Variants in ZNF532 observed in about 807,000 individuals in gnomAD.
The protein encoded by ZNF532 is zinc finger protein 532.
A neutral mutation model predicts 89.3 loss-of-function variants in ZNF532; 22 were observed. That is an observed-to-expected ratio of 0.25 (90% CI 0.18 to 0.35). The LOEUF (loss-of-function observed/expected upper bound fraction) is 0.35. ZNF532 is among the 10% of genes least tolerant of loss of function. The pLI is 1.00. For synonymous variants in ZNF532, 606 were observed against 649.6 expected, an observed-to-expected ratio of 0.93 and a Z score of 1.02; for missense variants, 1,132 against 1,643.4, an observed-to-expected ratio of 0.69 and a Z score of 5.38.
chr18:58,904,366 T>A lies in ZNF532; in HGVS notation c.-17-13905T>A, dbSNP rs199740493. On this transcript the variant is annotated intron_variant, in intron 2 of 9. Coordinates refer to ENST00000591808, the MANE Select transcript of ZNF532 (RefSeq NM_001375912.1). The stretch of plus-strand genomic sequence containing the variant: ...GACCTTGTCTCAAAAAAAAAAAAAA[T>A]AATGTATATGGTTAAGATGGTAAAT... Among the ~76,000 whole-genome samples, 156 of 127,954 alleles carry A rather than the reference T, an allele frequency of 1.2e-3. No homozygotes were observed. In the East Asian group the frequency reaches 0.033, roughly 27 times the overall value. The allele number at this position is 127,954 out of a possible 152,430, so 83.9% of individuals were successfully genotyped here.
At chr18:58,983,623 C>T (rs6567042) in intron 9 of ZNF532, among the ~76,000 whole-genome samples, 106,044 of 151,922 alleles carry the variant, frequency 0.7, 37,986 homozygotes, top group East Asian at 0.98. Flanking sequence ...TCCCATGGCC[C>T]TCATCCCACC....
intron 5 of ZNF532, 139 bp downstream of exon 5, chr18:58,939,760 TACAGC>T: frequency 1.4e-6 from 1 of 725,020 alleles, no homozygotes; most frequent in Non-Finnish European, 2.2e-6. Context: ...CTTTATGAAA[TACAGC>T]TCATAGCTCA....
intron 2 of ZNF532, among the ~76,000 whole-genome samples, chr18:58,879,162 C>T (rs1243568590): frequency 1.3e-5 from 2 of 151,962 alleles, no homozygotes; most frequent in African/African-American, 4.8e-5. Flanking sequence ...GCGGGGCCTG[C>T]TACAGTAGGA....
intron 2 of ZNF532, among the ~76,000 whole-genome samples, chr18:58,865,815 G>T (rs1568193813): frequency 6.6e-6 from 1 of 152,230 alleles, no homozygotes; most frequent in Non-Finnish European, 1.5e-5. Context: ...GGAGAGTCAG[G>T]CCTGGAAGGA....
chr18:58,892,982 C>CTTTTTTT (rs58108717), intron 2 of ZNF532, among the ~76,000 whole-genome samples: 2 of 135,292 alleles, frequency 1.5e-5, no homozygotes, highest in African/African-American at 5.6e-5. Context: ...TTTGTACTTT[C>CTTTTTTT]TTTTTTTTTT....
At chr18:58,929,267 A>G (rs1288967569) in intron 3 of ZNF532, among the ~76,000 whole-genome samples, 1 of 152,070 alleles carries the variant, frequency 6.6e-6, no homozygotes, top group Non-Finnish European at 1.5e-5. Flanking sequence ...GAGTGTGGAT[A>G]AAGGTGACAT....
chr18:58,921,751 A>G (rs1294010381), intron 3 of ZNF532, among the ~76,000 whole-genome samples: 2 of 152,270 alleles, frequency 1.3e-5, no homozygotes, highest in African/African-American at 4.8e-5. Context: ...GGAAGTAATT[A>G]GACATGTTGA....
rs186891859 is a variant in ZNF532 at position 58,875,050 on chromosome 18, A to G, written c.-18+9471A>G. Among the ~76,000 whole-genome samples the G allele has an allele frequency of 5.9e-5, 9 of 152,304 alleles. No homozygotes were observed. The East Asian group carries it at 1.3e-3, about 23-fold the overall frequency. ...AATAAGCTGTAAGTATAAGATACAT[A>G]TCAGGTTTTGAAGATGTAATGAAAA... On this transcript the variant is annotated intron_variant, in intron 2 of 9. Transcript: ENST00000591808.
At chr18:58,899,660 G>C (rs1393452543) in intron 2 of ZNF532, among the ~76,000 whole-genome samples, 2 of 152,030 alleles carry the variant, frequency 1.3e-5, no homozygotes, top group Non-Finnish European at 2.9e-5. Flanking sequence ...GTAGAGACAG[G>C]GTTCCACCAT....
At chr18:58,878,014 G>T (rs1240700328) in intron 2 of ZNF532, among the ~76,000 whole-genome samples, 1 of 152,118 alleles carries the variant, frequency 6.6e-6, no homozygotes, top group Non-Finnish European at 1.5e-5. Flanking sequence ...CAGCACTTTG[G>T]GAGGCTGAGG....
chr18:58,981,329 C>A, intron 8 of ZNF532, 141 bp from the exon 9 acceptor site: 1 of 1,064,692 alleles, frequency 9.4e-7, no homozygotes, highest in Non-Finnish European at 1.4e-6. Flanking sequence ...TTGCTGATTG[C>A]GTGTTGAACC....
chr18:58,944,624 C>G (rs923948671), intron 5 of ZNF532, among the ~76,000 whole-genome samples: 1 of 152,138 alleles, frequency 6.6e-6, no homozygotes, highest in Non-Finnish European at 1.5e-5. Context: ...TGCTGCCCCT[C>G]CTCTCTGCCT....
intron 9 of ZNF532, among the ~76,000 whole-genome samples, chr18:58,982,608 C>G (rs539417363): frequency 3.3e-5 from 5 of 151,982 alleles, no homozygotes; most frequent in African/African-American, 9.7e-5. Context: ...GGCAATAGAA[C>G]GAGACTCTGT....
At chr18:58,879,449 G>T (rs1035934087) in intron 2 of ZNF532, among the ~76,000 whole-genome samples, 2 of 152,220 alleles carry the variant, frequency 1.3e-5, no homozygotes, top group African/African-American at 4.8e-5. Flanking sequence ...CCAGGCTGGA[G>T]TGCAGTGGCA....
chr18:58,906,523 G>C (rs1459233378), intron 2 of ZNF532, among the ~76,000 whole-genome samples: 1 of 152,090 alleles, frequency 6.6e-6, no homozygotes, highest in Non-Finnish European at 1.5e-5. Context: ...TCCTAGATCG[G>C]TCATTTCTCC....
At position 58,919,734 on chromosome 18, in the gene ZNF532, G is replaced by C; in HGVS notation, c.1447G>C (p.Ala483Pro). ...CACGGTGAAAGCCACGGTCATATCT[G>C]CTGCCTCTGTCCAGAGTGCCAGCAG... ...NTTVKATVIS[A>P]ASVQSASSAI... Residue 483 changes from alanine to proline, a missense_variant, in exon 3 of 10, where the codon GCT (alanine) becomes CCT (proline). This residue lies in a region of ZNF532 where 97 missense variants were observed against 143.7 expected (regional missense o/e 0.68). Transcript: ENST00000591808. The surrounding 1 kb of genome is among the most constrained non-coding windows in gnomAD (Gnocchi z 6.1). 6.2e-7 allele frequency: 1 copy of C among 1,614,102 alleles called. No individual in the cohort carries two copies. Among genetic ancestry groups the C allele is most frequent in the Non-Finnish European group, 8.5e-7 (1 of 1,180,022 alleles).
Position 58,973,407 on chromosome 18 carries a change from GA to G in ZNF532, c.3151-5647del, listed in dbSNP as rs2066684416. Among the ~76,000 whole-genome samples the G allele has an allele frequency of 2.6e-5, 4 of 152,290 alleles. No individual in the cohort carries two copies. The South Asian group carries it at 8.3e-4, about 32-fold the overall frequency. On this transcript the variant is annotated intron_variant, in intron 7 of 9. Coordinates refer to ENST00000591808, the MANE Select transcript of ZNF532 (RefSeq NM_001375912.1). ...GTGAGCCACTGTGCCTGGCCAGAAA[GA>G]TTTTTTTGTTACCTTAATAAGTCAT...
intron 2 of ZNF532, among the ~76,000 whole-genome samples, chr18:58,874,107 C>CT (rs1285490307): frequency 6.6e-6 from 1 of 151,112 alleles, no homozygotes; most frequent in African/African-American, 2.4e-5. Flanking sequence ...TTTTTTCTTT[C>CT]TTGGAGGGTA....
In ZNF532 at chr18:58,919,565, T is replaced by C; in HGVS notation, c.1278T>C (p.Ser426=). The change falls in exon 3 of 10, where the codon TCT becomes TCC. Residue 426 remains serine, a synonymous_variant. Transcript: ENST00000591808. This position sits in a 1 kb window ranked among gnomAD's most constrained non-coding sequence, Gnocchi z 6.1. The part of the protein sequence containing the change: ...LSSPPRAPLQ[S]AVVTNAVSPA... The stretch of plus-strand genomic sequence containing the variant: ...CTCCCCCCAGGGCGCCTCTCCAGTC[T>C]GCGGTCGTGACCAATGCAGTTTCCC... 1 of 1,614,140 alleles carries C rather than the reference T, an allele frequency of 6.2e-7. No homozygotes were observed. Among genetic ancestry groups the C allele is most frequent in the Non-Finnish European group, 8.5e-7 (1 of 1,180,028 alleles).
Sources: gnomAD v4.1 joint callset for allele counts (sites outside exome capture counted in the v4.1 genomes callset) on GRCh38, gnomAD v4.1.1 for gene constraint, gnomAD v4.1.1 regional missense constraint, Gnocchi (gnomAD v3.1) non-coding constraint, MANE v1.5 for transcripts, NCBI Gene and HGNC (gene_info 2026-07-23, HGNC 2026-07-21) for gene names.